ATP10A: variants seen among roughly 807,000 people sequenced by gnomAD.
The protein encoded by ATP10A is phospholipid-transporting ATPase VA.
Under a neutral mutation model 147.8 loss-of-function variants are expected in ATP10A, and 111 were observed. The ratio of observed to expected loss-of-function variants is 0.75; its 90% CI spans 0.64 to 0.88. ATP10A has a LOEUF of 0.88. Among genes scored for constraint, ATP10A ranks in the 40% least tolerant of loss-of-function variants. ATP10A has a pLI of 0.00. For synonymous variants in ATP10A, 875 were observed against 841.6 expected (o/e 1.04, Z -0.69); for missense variants, 1,927 against 1,959.0 (o/e 0.98, Z 0.31).
rs372217235 is a variant in ATP10A, at chr15:25,803,025, G to A, written c.450-21802C>T. ...TTTTAGGGGTTTTGCCTAGAACCTA[G>A]TTTCCTCCAGGTGCTCTTATGGCCA... On this transcript the variant is annotated intron_variant, in intron 1 of 20. Coordinates refer to ENST00000555815, the MANE Select transcript of ATP10A (RefSeq NM_024490.4). Among the ~76,000 whole-genome samples, 3 of 152,358 alleles carry A rather than the reference G, an allele frequency of 2.0e-5. No individual in the cohort carries two copies. In the East Asian group the frequency reaches 5.8e-4, roughly 29 times the overall value.
At chr15:25,807,068 A>G (rs1480112089) in intron 1 of ATP10A, among the ~76,000 whole-genome samples, 1 of 152,274 alleles carries the variant, frequency 6.6e-6, no homozygotes, top group Admixed American at 6.5e-5. Flanking sequence ...ATAACAGAGC[A>G]CAAGCGCAAG....
chr15:25,814,035 C>G (rs1891544752), intron 1 of ATP10A, among the ~76,000 whole-genome samples: 5 of 152,080 alleles, frequency 3.3e-5, no homozygotes, highest in Admixed American at 3.3e-4. Flanking sequence ...ATTCAAAACA[C>G]TCAGTAAACC....
At chr15:25,804,869 TA>T (rs1891111323) in intron 1 of ATP10A, among the ~76,000 whole-genome samples, 3 of 152,226 alleles carry the variant, frequency 2.0e-5, no homozygotes, top group Non-Finnish European at 2.9e-5. Flanking sequence ...CTTTTAGAAG[TA>T]AAAAATAAAA....
chr15:25,734,186 C>T (rs942897199), intron 3 of ATP10A, among the ~76,000 whole-genome samples: 4 of 152,156 alleles, frequency 2.6e-5, no homozygotes, highest in Non-Finnish European at 4.4e-5. Flanking sequence ...CTCTCGTCCA[C>T]CCCAGCAGAG....
chr15:25,831,320 G>A (rs1892347264), intron 1 of ATP10A, among the ~76,000 whole-genome samples: 1 of 152,190 alleles, frequency 6.6e-6, no homozygotes, highest in Non-Finnish European at 1.5e-5. Flanking sequence ...GTGTGTTTGT[G>A]CTACCTCAGA....
chr15:25,677,131 T>A (rs1249253248), downstream of ATP10A: 1 of 152,178 alleles, frequency 6.6e-6, no homozygotes, highest in East Asian at 1.9e-4. Context: ...AACCCAGCTA[T>A]TTTGTTACCA....
downstream of ATP10A, chr15:25,678,117 T>A (rs1443039389): frequency 6.6e-6 from 1 of 152,116 alleles, no homozygotes; most frequent in Non-Finnish European, 1.5e-5. Context: ...ACACTGAGCC[T>A]GTGCCTGTTT....
At chr15:25,742,333 T>A (rs531859320) in intron 2 of ATP10A, among the ~76,000 whole-genome samples, 159 of 152,344 alleles carry the variant, frequency 1.0e-3, no homozygotes, top group African/African-American at 3.5e-3. Context: ...GGTGTCTGGG[T>A]TCTGCCTTCT....
chr15:25,674,598 C>G (rs1286658692), downstream of ATP10A, among the ~76,000 whole-genome samples: 1 of 152,212 alleles, frequency 6.6e-6, no homozygotes, highest in African/African-American at 2.4e-5. Context: ...TGGGTCAGCC[C>G]TGGCTGTCCA....
intron 4 of ATP10A, 144 bp downstream of exon 4, chr15:25,727,016 C>A: frequency 1.7e-6 from 1 of 581,894 alleles, no homozygotes; most frequent in Non-Finnish European, 3.0e-6. Flanking sequence ...GAGATCGCGC[C>A]ACTGCACTCC....
chr15:25,851,866 C>A (rs1260339480), intron 1 of ATP10A, among the ~76,000 whole-genome samples: 4 of 152,002 alleles, frequency 2.6e-5, no homozygotes, highest in South Asian at 4.2e-4. Context: ...GAGTTCGAGA[C>A]CAGCATGGGC....
intron 15 of ATP10A, 48 bp downstream of exon 15, chr15:25,691,667 G>C (rs1464031300): frequency 6.3e-7 from 1 of 1,590,962 alleles, no homozygotes; most frequent in African/African-American, 1.3e-5. Flanking sequence ...CAGGACAAGA[G>C]GTCAGTAGGG....
In ATP10A at chr15:25,779,994, G is replaced by C. The variant is rs939200707; in HGVS notation, c.654+1025C>G. 3.3e-5 allele frequency among the ~76,000 whole-genome samples: 5 copies of C among 152,318 alleles called. 1 individual carries two copies. In the South Asian group the frequency reaches 1.0e-3, roughly 32 times the overall value. ...GTGCGGAGTACCTGGCCTGCTGCAA[G>C]TGTGTCAGGCATCTCCCCCTGTGAC... On this transcript the variant is annotated intron_variant, in intron 2 of 20. Transcript: ENST00000555815.
chr15:25,846,086 G>T (rs1464529444), intron 1 of ATP10A, among the ~76,000 whole-genome samples: 1 of 152,150 alleles, frequency 6.6e-6, no homozygotes, highest in Non-Finnish European at 1.5e-5. Flanking sequence ...TTCCGCTCAC[G>T]TGAGACACCC....
intron 3 of ATP10A, 25 bp downstream of exon 3, chr15:25,736,031 G>T: frequency 6.3e-7 from 1 of 1,579,032 alleles, no homozygotes; most frequent in Non-Finnish European, 8.7e-7. Flanking sequence ...AGAAGGATGC[G>T]CGCAGGCAGA....
rs540229003 is a variant in ATP10A, at chr15:25,704,790, C to G, written c.2576-2690G>C. ...CGGCTTTCTTCAGCTTTCCAAGGTA[C>G]TTGTTTGTGATATAATTTATGTGAC... On this transcript the variant is annotated intron_variant, in intron 12 of 20. Transcript: ENST00000555815. 9.2e-5 allele frequency among the ~76,000 whole-genome samples: 14 copies of G among 152,292 alleles called. No individual in the cohort carries two copies. The South Asian group carries it at 2.9e-3, about 32-fold the overall frequency.
intron 2 of ATP10A, among the ~76,000 whole-genome samples, chr15:25,747,028 T>A (rs1887876083): frequency 6.6e-6 from 1 of 152,182 alleles, no homozygotes; most frequent in East Asian, 1.9e-4. Flanking sequence ...GGCTCACGCC[T>A]GTAATCCCTA....
intron 1 of ATP10A, among the ~76,000 whole-genome samples, chr15:25,843,159 T>C (rs1469789358): frequency 6.6e-6 from 1 of 152,134 alleles, no homozygotes; most frequent in Non-Finnish European, 1.5e-5. Flanking sequence ...TCACGCCATG[T>C]GCCTCCTCCC....
At chr15:25,757,413 T>A (rs893238511) in intron 2 of ATP10A, among the ~76,000 whole-genome samples, 8 of 152,158 alleles carry the variant, frequency 5.3e-5, no homozygotes, top group Non-Finnish European at 7.4e-5. Flanking sequence ...AACAATTTTG[T>A]ATGCAAAATG....
Sources: allele counts gnomAD v4.1 joint callset (sites outside exome capture counted in the v4.1 genomes callset), GRCh38; gene constraint gnomAD v4.1.1; transcripts MANE v1.5; gene names NCBI Gene and HGNC (gene_info 2026-07-23, HGNC 2026-07-21).